The following NRXN3 variants were observed in gnomAD, a reference collection of about 807,000 sequenced individuals.
The protein encoded by NRXN3 is neurexin III.
In NRXN3, 32 loss-of-function variants were observed where a neutral mutation model predicts 137.6. The observed-to-expected ratio is 0.23, with a 90% CI of 0.18 to 0.31. NRXN3 has a LOEUF of 0.31. Ranked by LOEUF, NRXN3 falls within the 10% of genes least tolerant of loss-of-function variation. The pLI is 1.00. For synonymous variants in NRXN3, 798 were observed against 784.5 expected (o/e 1.02, Z -0.29); for missense variants, 1,574 against 2,062.5 (o/e 0.76, Z 4.59).
intron 16 of NRXN3, among the ~76,000 whole-genome samples, chr14:79,637,707 T>G (rs1371669036): frequency 2.0e-5 from 3 of 150,510 alleles, no homozygotes; most frequent in Non-Finnish European, 4.4e-5. Flanking sequence ...TCTAAGAAAC[T>G]GATGTAAGAT....
intron 16 of NRXN3, among the ~76,000 whole-genome samples, chr14:79,587,195 T>TTA (rs1245193276): frequency 5.3e-5 from 8 of 152,240 alleles, no homozygotes; most frequent in Non-Finnish European, 8.8e-5. Context: ...ATAGAATGCT[T>TTA]TAGTTTCTTC....
intron 2 of NRXN3, among the ~76,000 whole-genome samples, chr14:78,276,149 G>T (rs946939601): frequency 6.6e-6 from 1 of 152,220 alleles, no homozygotes; most frequent in Admixed American, 6.5e-5. Context: ...TGGTGGGATT[G>T]TTGCCCCTCT....
chr14:78,269,796 T>C (rs905411841), intron 2 of NRXN3, among the ~76,000 whole-genome samples: 9 of 152,258 alleles, frequency 5.9e-5, no homozygotes, highest in African/African-American at 1.9e-4. Context: ...ACTGAAACCC[T>C]AGAAGACCCA....
intron 4 of NRXN3, among the ~76,000 whole-genome samples, chr14:78,445,880 T>G (rs1432279848): frequency 6.6e-6 from 1 of 152,208 alleles, no homozygotes; most frequent in Non-Finnish European, 1.5e-5. Context: ...AGATGAACAT[T>G]GGAAGCTGTT....
At chr14:78,648,346 A>G (rs987206667) in intron 5 of NRXN3, among the ~76,000 whole-genome samples, 4 of 152,224 alleles carry the variant, frequency 2.6e-5, no homozygotes, top group African/African-American at 9.6e-5. Flanking sequence ...CCAGTCTTCC[A>G]GTCTTCCAGA....
At chr14:78,946,414 G>C (rs2099365342) in intron 10 of NRXN3, among the ~76,000 whole-genome samples, 1 of 152,156 alleles carries the variant, frequency 6.6e-6, no homozygotes, top group African/African-American at 2.4e-5. Flanking sequence ...GGACACCTCT[G>C]TACCTGTTCT....
chr14:79,168,777 T>C (rs2061512382), intron 15 of NRXN3, among the ~76,000 whole-genome samples: 1 of 151,640 alleles, frequency 6.6e-6, no homozygotes, highest in Non-Finnish European at 1.5e-5. Context: ...AAGTCTTTCC[T>C]GGACACAAAA....
intron 16 of NRXN3, among the ~76,000 whole-genome samples, chr14:79,559,299 TCTAG>T (rs1228183358): frequency 6.6e-6 from 1 of 152,140 alleles, no homozygotes; most frequent in Non-Finnish European, 1.5e-5. Flanking sequence ...CTTACTCACT[TCTAG>T]CTTTTTGTTT....
chr14:78,495,955 G>A (rs904762531), intron 4 of NRXN3, among the ~76,000 whole-genome samples: 2 of 152,110 alleles, frequency 1.3e-5, no homozygotes, highest in Non-Finnish European at 2.9e-5. Flanking sequence ...ATGCCTCAGC[G>A]GCATGTTTTA....
chr14:79,107,508 A>C (rs1447183487), intron 15 of NRXN3, among the ~76,000 whole-genome samples: 1 of 152,172 alleles, frequency 6.6e-6, no homozygotes, highest in Non-Finnish European at 1.5e-5. Context: ...GGAATGATGT[A>C]ATCTGATTTA....
chr14:78,434,743 T>C (rs971965405), intron 4 of NRXN3, among the ~76,000 whole-genome samples: 3 of 152,084 alleles, frequency 2.0e-5, no homozygotes, highest in Non-Finnish European at 4.4e-5. Flanking sequence ...CTGCTGACCA[T>C]GGTGAGAACA....
At chr14:78,920,690 T>C (rs1171717491) in intron 10 of NRXN3, among the ~76,000 whole-genome samples, 1 of 152,012 alleles carries the variant, frequency 6.6e-6, no homozygotes, top group African/African-American at 2.4e-5. Flanking sequence ...AAATTGGGGG[T>C]TCTCATGACC....
intron 15 of NRXN3, among the ~76,000 whole-genome samples, chr14:79,124,290 C>T (rs1045420478): frequency 2.6e-5 from 4 of 152,154 alleles, no homozygotes; most frequent in Non-Finnish European, 5.9e-5. Flanking sequence ...AAACAAAAGG[C>T]TCTCTGGCTG....
intron 15 of NRXN3, chr14:79,074,531 G>C (rs2045654363): frequency 6.6e-6 from 1 of 152,170 alleles, no homozygotes; most frequent in Admixed American, 6.5e-5. Flanking sequence ...AAGGAAGGAG[G>C]CTTCTCCTTT....
At chr14:79,533,201 G>A (rs1293284970) in intron 16 of NRXN3, among the ~76,000 whole-genome samples, 1 of 149,244 alleles carries the variant, frequency 6.7e-6, no homozygotes, top group Non-Finnish European at 1.5e-5. Flanking sequence ...TGAGAAAACT[G>A]AGAGAGACCT....
intron 15 of NRXN3, among the ~76,000 whole-genome samples, chr14:79,424,257 A>G (rs1366740320): frequency 6.6e-6 from 1 of 152,214 alleles, no homozygotes; most frequent in Non-Finnish European, 1.5e-5. Flanking sequence ...ATTAAAACAA[A>G]TATTAATTCC....
chr14:79,322,036 T>C (rs2090119499), intron 15 of NRXN3, among the ~76,000 whole-genome samples: 1 of 151,820 alleles, frequency 6.6e-6, no homozygotes, highest in South Asian at 2.1e-4. Flanking sequence ...TAGTTCAAGA[T>C]CAGCCTGGGC....
intron 1 of NRXN3, among the ~76,000 whole-genome samples, chr14:78,214,274 T>A (rs2063037193): frequency 6.6e-6 from 1 of 152,168 alleles, no homozygotes; most frequent in South Asian, 2.1e-4. Context: ...CTGCCTGGGG[T>A]GCTCTTCCAG....
At chr14:79,090,190 A>G (rs2048896739) in intron 15 of NRXN3, among the ~76,000 whole-genome samples, 2 of 152,156 alleles carry the variant, frequency 1.3e-5, no homozygotes, top group African/African-American at 2.4e-5. Flanking sequence ...TAGATTAGCT[A>G]TGATAATACT....
Sources: gnomAD v4.1 joint callset for allele counts (sites outside exome capture counted in the v4.1 genomes callset) on GRCh38, gnomAD v4.1.1 for gene constraint, MANE v1.5 for transcripts, NCBI Gene and HGNC (gene_info 2026-07-23, HGNC 2026-07-21) for gene names.